Variants in TMEM135 observed in about 807,000 individuals in gnomAD.
TMEM135 encodes the protein transmembrane protein 135.
In TMEM135, 30 loss-of-function variants were observed where a neutral mutation model predicts 60.3. The ratio of observed to expected loss-of-function variants is 0.50; its 90% CI spans 0.37 to 0.68. The LOEUF (loss-of-function observed/expected upper bound fraction) is 0.68. TMEM135 is among the 30% of genes least tolerant of loss of function. The pLI is 0.00. For missense variants in TMEM135, 468 were observed against 548.8 expected, an observed-to-expected ratio of 0.85 and a Z score of 1.47; for synonymous variants, 190 against 186.7, an observed-to-expected ratio of 1.02 and a Z score of -0.14.
intron 1 of TMEM135, among the ~76,000 whole-genome samples, chr11:87,040,663 A>G (rs74525986): frequency 1.3e-5 from 1 of 76,560 alleles, no homozygotes; most frequent in Non-Finnish European, 2.7e-5. Context: ...ACTCCATCAC[A>G]AAAAAAAAAA....
chr11:87,157,307 T>C, intron 4 of TMEM135, 34 bp from the exon 5 acceptor site: 2 of 1,576,292 alleles, frequency 1.3e-6, no homozygotes, highest in Non-Finnish European at 1.7e-6. Context: ...TTGTAGATCA[T>C]ATATTTTTGC....
chr11:87,294,202 A>G (rs536512946), intron 6 of TMEM135, among the ~76,000 whole-genome samples: 1 of 152,154 alleles, frequency 6.6e-6, no homozygotes, highest in East Asian at 1.9e-4. Flanking sequence ...CCACTTTTTG[A>G]TGGGGTTGTT....
chr11:87,152,462 T>C (rs59986583), intron 4 of TMEM135, among the ~76,000 whole-genome samples: 3,354 of 152,306 alleles, frequency 0.022, 139 homozygotes, highest in African/African-American at 0.077. Context: ...TCAATGTTAC[T>C]TTATTTTTTG....
intron 5 of TMEM135, chr11:87,157,969 CTT>C (rs1938747588): frequency 6.5e-6 from 1 of 152,800 alleles, no homozygotes; most frequent in Non-Finnish European, 1.5e-5. Context: ...TTGATTACCA[CTT>C]TGTCTGCTCT....
chr11:87,073,803 G>A (rs1856819660), intron 3 of TMEM135, among the ~76,000 whole-genome samples: 1 of 152,006 alleles, frequency 6.6e-6, no homozygotes, highest in South Asian at 2.1e-4. Context: ...ATGTAGCTGG[G>A]ATTACAGGTG....
chr11:87,309,828 T>A (rs1318153134), intron 10 of TMEM135, among the ~76,000 whole-genome samples, 156 bp downstream of exon 10: 3 of 152,132 alleles, frequency 2.0e-5, no homozygotes, highest in African/African-American at 7.2e-5. Context: ...TATTGGGAAG[T>A]GAGGGTACAG....
intron 6 of TMEM135, among the ~76,000 whole-genome samples, chr11:87,279,188 T>C (rs538258284): frequency 7.9e-4 from 121 of 152,308 alleles, no homozygotes; most frequent in African/African-American, 2.8e-3. Context: ...TAGTAAATGA[T>C]TGTGTACTAG....
chr11:87,314,485 A>G lies in TMEM135; in HGVS notation c.1015A>G (p.Ile339Val), dbSNP rs1237543111. The G allele has an allele frequency of 1.2e-6, 2 of 1,610,312 alleles. No homozygotes were observed. The highest frequency in any genetic ancestry group is 4.5e-5 in the East Asian group (2 of 44,688). ...HAIIAGFLAG[I>V]SMMFYKSTTI... The stretch of plus-strand genomic sequence containing the variant: ...TCTTGTTTCAGGATTTTTGGCAGGT[A>G]TATCAATGATGTTTTATAAAAGCAC... Residue 339 changes from isoleucine to valine, a missense_variant, in exon 12 of 15, where the codon ATA becomes GTA. Transcript: ENST00000305494.
At chr11:87,214,238 G>C (rs1940447060) in intron 5 of TMEM135, among the ~76,000 whole-genome samples, 1 of 152,180 alleles carries the variant, frequency 6.6e-6, no homozygotes, top group African/African-American at 2.4e-5. Context: ...GTTCTAGAAT[G>C]GGGTGAATGC....
chr11:87,046,385 C>CAAAA (rs1949796583), intron 1 of TMEM135, among the ~76,000 whole-genome samples: 1 of 152,110 alleles, frequency 6.6e-6, no homozygotes, highest in South Asian at 2.1e-4. Context: ...TCTCAAAAAA[C>CAAAA]AAACAAACAA....
In TMEM135 at chr11:87,327,203, A is replaced by T. The variant is rs775382436; in HGVS notation, c.*5870A>T. ...TAAAATGTAATGGAAAATCTGGGAAACACTTGGGAAAAATCTTCCCTCTCT... is the reference window on the plus strand; with the variant it reads ...TAAAATGTAATGGAAAATCTGGGAATCACTTGGGAAAAATCTTCCCTCTCT... On this transcript the variant is annotated 3_prime_UTR_variant, in exon 15 of 15. Transcript: ENST00000305494. 11 of 453,962 alleles carry T rather than the reference A, an allele frequency of 2.4e-5. No individual in the cohort carries two copies. Among genetic ancestry groups the T allele is most frequent in the Non-Finnish European group, 3.5e-5 (8 of 226,800 alleles). 28.1% of individuals were successfully genotyped at this position (453,962 alleles called of 1,614,324 possible).
intron 5 of TMEM135, among the ~76,000 whole-genome samples, chr11:87,228,276 G>T (rs1940810489): frequency 6.6e-6 from 1 of 152,054 alleles, no homozygotes; most frequent in Admixed American, 6.6e-5. Context: ...AGGAGGGTGA[G>T]AATTTGTGGT....
chr11:87,079,843 C>CTTTTTTTTTT (rs139184730), intron 3 of TMEM135, among the ~76,000 whole-genome samples: 5 of 107,920 alleles, frequency 4.6e-5, no homozygotes, highest in East Asian at 2.9e-4. Flanking sequence ...CTTTTCTTTT[C>CTTTTTTTTTT]TTTTTTTTTT....
chr11:87,214,244 A>G (rs1039529349), intron 5 of TMEM135, among the ~76,000 whole-genome samples: 2 of 152,202 alleles, frequency 1.3e-5, no homozygotes, highest in African/African-American at 4.8e-5. Flanking sequence ...GAATGGGGTG[A>G]ATGCTCAAGG....
At chr11:87,146,640 A>G (rs957291158) in intron 4 of TMEM135, among the ~76,000 whole-genome samples, 11 of 152,158 alleles carry the variant, frequency 7.2e-5, no homozygotes, top group Non-Finnish European at 1.6e-4. Context: ...TGAAAAGTCA[A>G]AATTAGTATT....
intron 5 of TMEM135, among the ~76,000 whole-genome samples, chr11:87,163,402 G>A (rs1938946562): frequency 7.0e-6 from 1 of 143,302 alleles, no homozygotes; most frequent in African/African-American, 2.6e-5. Context: ...ATTCCATGGT[G>A]TATATGTGCC....
intron 4 of TMEM135, among the ~76,000 whole-genome samples, chr11:87,125,743 G>A (rs612523): frequency 0.48 from 72,448 of 152,002 alleles, 17,567 homozygotes; most frequent in East Asian, 0.67. Flanking sequence ...GATTTGGGAA[G>A]AAGTAATTGT....
chr11:87,161,228 T>C (rs903361353), intron 5 of TMEM135, among the ~76,000 whole-genome samples: 1 of 152,144 alleles, frequency 6.6e-6, no homozygotes, highest in Non-Finnish European at 1.5e-5. Context: ...GGTTTCCCTA[T>C]TTGAGGGGCT....
At chr11:87,116,603 A>G (rs2135206902) in intron 4 of TMEM135, among the ~76,000 whole-genome samples, 1 of 147,132 alleles carries the variant, frequency 6.8e-6, no homozygotes, top group African/African-American at 2.5e-5. Flanking sequence ...GATTTATAGT[A>G]TATATGTACA....
Sources: allele counts gnomAD v4.1 joint callset (sites outside exome capture counted in the v4.1 genomes callset), GRCh38; gene constraint gnomAD v4.1.1; transcripts MANE v1.5; gene names NCBI Gene and HGNC (gene_info 2026-07-23, HGNC 2026-07-21).